ATP1A2: variants seen among roughly 807,000 people sequenced by gnomAD.
ATP1A2 encodes the protein ATPase Na+/K+ transporting subunit alpha 2.
A neutral mutation model predicts 113.1 loss-of-function variants in ATP1A2; 56 were observed. The ratio of observed to expected loss-of-function variants is 0.49; its 90% CI spans 0.40 to 0.62. The LOEUF (loss-of-function observed/expected upper bound fraction) is 0.62, where lower values mean the gene tolerates loss of function less well. ATP1A2 is among the 20% of genes least tolerant of loss of function. The probability of loss-of-function intolerance (pLI) is 0.00; values close to 1 mark genes in which losing one functional copy is unlikely to be tolerated. For missense variants in ATP1A2, 712 were observed against 1,357.8 expected (o/e 0.52, Z 7.47); for synonymous variants, 490 against 526.8 (o/e 0.93, Z 0.96).
At position 160,121,197 on chromosome 1, in the gene ATP1A2, C is replaced by A. The variant is rs1439633790; in HGVS notation, c.123C>A (p.Asp41Glu). 6.2e-7 allele frequency: 1 copy of A among 1,614,086 alleles called. No individual in the cohort carries two copies. The highest frequency in any genetic ancestry group is 1.3e-5 in the African/African-American group (1 of 74,922). Residue 41 changes from aspartate to glutamate, a missense_variant, in exon 3 of 23, where the codon GAC becomes GAA. Asp to Glu is a conservative substitution (Grantham distance 45). This residue lies in a region of ATP1A2 where 109 missense variants were observed against 162.3 expected (regional missense o/e 0.67). Coordinates refer to ENST00000361216, the MANE Select transcript of ATP1A2 (RefSeq NM_000702.4). ...DELKKEVAMD[D>E]HKLSLDELGR... ...ACTCACCCTCCCTTCCCCAGGATGA[C>A]CACAAGCTGTCCTTGGATGAGCTGG... is the stretch of plus-strand genomic sequence containing the variant.
intron 4 of ATP1A2, 43 bp downstream of exon 4, chr1:160,123,459 T>C (rs1166375425): frequency 6.2e-7 from 1 of 1,612,878 alleles, no homozygotes; most frequent in South Asian, 1.1e-5. Flanking sequence ...GTGACTGTCC[T>C]CCAACCCTGA....
intron 22 of ATP1A2, among the ~76,000 whole-genome samples, chr1:160,140,977 C>T (rs553026548): frequency 6.4e-4 from 96 of 150,874 alleles, no homozygotes; most frequent in Non-Finnish European, 1.3e-3. Flanking sequence ...ATTCTCTTGC[C>T]TCAGCCTCCA....
intron 22 of ATP1A2, 85 bp downstream of exon 22, chr1:160,140,069 A>C: frequency 7.4e-7 from 1 of 1,349,782 alleles, no homozygotes; most frequent in Non-Finnish European, 1.1e-6. Flanking sequence ...CTCCACTCCC[A>C]CTACTGGTTC....
intron 13 of ATP1A2, 50 bp downstream of exon 13, chr1:160,130,647 T>G: frequency 6.2e-7 from 1 of 1,612,592 alleles, no homozygotes. Flanking sequence ...CATGCCAGAG[T>G]TCAAGGAGCT....
rs1429728864 is a variant in ATP1A2 at position 160,128,960 on chromosome 1, T to A, written c.1217-20T>A. 1 of 1,596,402 alleles carries A rather than the reference T, an allele frequency of 6.3e-7. No individual in the cohort carries two copies. Among genetic ancestry groups the A allele is most frequent in the Non-Finnish European group, 8.5e-7 (1 of 1,170,330 alleles). ...CTCTAAAGGGAGCCACGCTCCTGGT[T>A]CCCCCTCATTTCCTCCCAGGGGCCA... On this transcript the variant is annotated intron_variant, in intron 9 of 22. Coordinates refer to ENST00000361216, the MANE Select transcript of ATP1A2 (RefSeq NM_000702.4).
rs754699681 is a variant in ATP1A2, at chr1:160,127,665, C to T, written c.862C>T (p.His288Tyr). The change falls in exon 8 of 23, where the codon CAC becomes TAC. Residue 288 changes from histidine (H) to tyrosine (Y), a missense_variant. Transcript: ENST00000361216. ...GRTPIAMEIE[H>Y]FIQLITGVAV... ...GACACCCATAGCAATGGAGATTGAACACTTCATCCAGCTGATCACAGGGGT... is the reference window on the plus strand; with the variant it reads ...GACACCCATAGCAATGGAGATTGAATACTTCATCCAGCTGATCACAGGGGT... 4.8e-5 allele frequency: 78 copies of T among 1,614,128 alleles called. No individual in the cohort carries two copies. In the Admixed American group the frequency reaches 7.0e-4, roughly 14 times the overall value.
intron 4 of ATP1A2, 86 bp from the exon 5 acceptor site, chr1:160,123,857 T>C (rs960146671): frequency 2.5e-6 from 3 of 1,187,878 alleles, no homozygotes; most frequent in African/African-American, 1.5e-5. Context: ...TCATCTTGGA[T>C]GGCACTGCCT....
At chr1:160,128,165 C>T (rs2101988713) in intron 8 of ATP1A2, among the ~76,000 whole-genome samples, 1 of 152,284 alleles carries the variant, frequency 6.6e-6, no homozygotes, top group African/African-American at 2.4e-5. Flanking sequence ...TCTCAGCTCT[C>T]CTCCCTAACT....
chr1:160,132,439 A>G (rs1651802676), intron 13 of ATP1A2, among the ~76,000 whole-genome samples: 1 of 152,174 alleles, frequency 6.6e-6, no homozygotes, highest in Non-Finnish European at 1.5e-5. Context: ...GAGACAGGTT[A>G]AGAGGCCATT....
At position 160,128,864 on chromosome 1, in the gene ATP1A2, C is replaced by G. The variant is rs200681048; in HGVS notation, c.1216+14C>G. ...AAGATCAGTCTGGTGATTGGGTGCT[C>G]CAGAGGGGGTGGATAGGATTAGAGG... On this transcript the variant is annotated intron_variant, in intron 9 of 22. Transcript: ENST00000361216. 2.3e-4 allele frequency: 368 copies of G among 1,613,730 alleles called. No individual in the cohort carries two copies. The highest frequency in any genetic ancestry group is 2.5e-4 in the Non-Finnish European group (300 of 1,179,930).
intron 20 of ATP1A2, among the ~76,000 whole-genome samples, chr1:160,139,048 C>A (rs1254329288): frequency 6.6e-6 from 1 of 152,190 alleles, no homozygotes; most frequent in Non-Finnish European, 1.5e-5. Context: ...AATGGCAGAA[C>A]TGGGAATAGA....
In ATP1A2 at chr1:160,141,215, G is replaced by T. The variant is rs1192292612; in HGVS notation, c.3035-79G>T. 5 of 1,580,120 alleles carry T rather than the reference G, an allele frequency of 3.2e-6. No homozygotes were observed. The African/African-American group carries it at 4.0e-5, about 13-fold the overall frequency. On this transcript the variant is annotated intron_variant, in intron 22 of 22. Coordinates refer to ENST00000361216, the MANE Select transcript of ATP1A2 (RefSeq NM_000702.4). The stretch of plus-strand genomic sequence containing the variant: ...GCTTCTCCTTCCACCTGGCTTCAGC[G>T]ACCCAAGCCCCTAGGAAATTGATCT...
At chr1:160,140,073 C>A in intron 22 of ATP1A2, 89 bp downstream of exon 22, 1 of 1,315,710 alleles carries the variant, frequency 7.6e-7, no homozygotes, top group Non-Finnish European at 1.1e-6. Flanking sequence ...ACTCCCACTA[C>A]TGGTTCCTGC....
chr1:160,117,972 G>A (rs936775863), intron 1 of ATP1A2, among the ~76,000 whole-genome samples: 2 of 151,830 alleles, frequency 1.3e-5, no homozygotes, highest in African/African-American at 4.8e-5. Context: ...GGTTGGGGGG[G>A]TCCTTGCTTC....
intron 13 of ATP1A2, 117 bp from the exon 14 acceptor site, chr1:160,134,367 T>C: frequency 6.8e-7 from 1 of 1,469,524 alleles, no homozygotes; most frequent in Non-Finnish European, 9.4e-7. Flanking sequence ...TTATTTCGGT[T>C]GGGATCTGCC....
chr1:160,117,832 G>A (rs1651237434), intron 1 of ATP1A2, among the ~76,000 whole-genome samples: 4 of 152,206 alleles, frequency 2.6e-5, no homozygotes, highest in South Asian at 4.2e-4. Flanking sequence ...TGGGGGGAGC[G>A]TTGGCGGATT....
At chr1:160,130,999 A>C (rs1393351622) in intron 13 of ATP1A2, among the ~76,000 whole-genome samples, 1 of 152,156 alleles carries the variant, frequency 6.6e-6, no homozygotes, top group African/African-American at 2.4e-5. Flanking sequence ...GGCTCAGCCC[A>C]TAACCCCACA....
chr1:160,140,602 G>A (rs1652114083), intron 22 of ATP1A2: 1 of 167,134 alleles, frequency 6.0e-6, no homozygotes, highest in African/African-American at 2.4e-5. Flanking sequence ...GACTTCTCCT[G>A]AAGATCAGAA....
chr1:160,121,057 G>A, intron 2 of ATP1A2, 47 bp downstream of exon 2: 4 of 1,610,208 alleles, frequency 2.5e-6, no homozygotes, highest in Non-Finnish European at 3.4e-6. Flanking sequence ...TGCTGGGAGA[G>A]CTGTCCCTGC....
Sources: allele counts gnomAD v4.1 joint callset (sites outside exome capture counted in the v4.1 genomes callset), GRCh38; gene constraint gnomAD v4.1.1; regional missense constraint gnomAD v4.1.1; transcripts MANE v1.5; gene names NCBI Gene and HGNC (gene_info 2026-07-23, HGNC 2026-07-21).